Variants in UPF2 observed in about 807,000 individuals in gnomAD.
UPF2 encodes UPF2 regulator of nonsense mediated mRNA decay.
In UPF2, 17 loss-of-function variants were observed where a neutral mutation model predicts 141.4. The ratio of observed to expected loss-of-function variants is 0.12; its 90% CI spans 0.08 to 0.18. UPF2 has a LOEUF of 0.18. UPF2 is among the 10% of genes least tolerant of loss of function. The probability of loss-of-function intolerance (pLI) is 1.00; values close to 1 mark genes in which losing one functional copy is unlikely to be tolerated. For missense variants in UPF2, 1,152 were observed against 1,515.9 expected (o/e 0.76, Z 3.99); for synonymous variants, 540 against 498.0 (o/e 1.08, Z -1.12).
intron 1 of UPF2, among the ~76,000 whole-genome samples, chr10:12,039,620 CTCT>C (rs1346176514): frequency 1.4e-5 from 2 of 145,224 alleles, no homozygotes; most frequent in African/African-American, 2.5e-5. Context: ...CTCTCTCTCT[CTCT>C]TTTTTTTTTT....
intron 8 of UPF2, among the ~76,000 whole-genome samples, chr10:11,995,069 T>A (rs1289337216): frequency 6.8e-6 from 1 of 147,618 alleles, no homozygotes; most frequent in Non-Finnish European, 1.5e-5. Flanking sequence ...ATGATGTGCC[T>A]AATTCTTCGT....
At position 11,959,603 on chromosome 10, in the gene UPF2, T is replaced by C. The variant is rs190257987; in HGVS notation, c.2185-247A>G. ...GATGAAACCCCATCTCTACAAAAGA[T>C]ACAAAAATTAGCCAGGTGTGGTGGC... On this transcript the variant is annotated intron_variant, in intron 11 of 21. Coordinates refer to ENST00000357604, the MANE Select transcript of UPF2 (RefSeq NM_015542.4). The surrounding 1 kb of genome is among the most constrained non-coding windows in gnomAD (Gnocchi z 5.9). 1.2e-3 allele frequency among the ~76,000 whole-genome samples: 187 copies of C among 151,872 alleles called. No homozygotes were observed. Among genetic ancestry groups the C allele is most frequent in the Middle Eastern group, 3.4e-3 (1 of 294 alleles).
rs1172376298 is a variant in UPF2 at position 11,985,645 on chromosome 10, C to A, written c.1845-6480G>T. On this transcript the variant is annotated intron_variant, in intron 8 of 21. Transcript: ENST00000357604. ...CCAAAAAAAAAAAAAAACAAACAAA[C>A]AAAAAAAAAGAATGCTTTCTTCGTG... 7.0e-4 allele frequency among the ~76,000 whole-genome samples: 102 copies of A among 146,158 alleles called. 1 individual carries two copies. Among genetic ancestry groups the A allele is most frequent in the Non-Finnish European group, 5.7e-4 (38 of 66,252 alleles).
intron 9 of UPF2, among the ~76,000 whole-genome samples, chr10:11,968,386 C>T (rs1833358179): frequency 6.6e-6 from 1 of 152,018 alleles, no homozygotes; most frequent in Non-Finnish European, 1.5e-5. Context: ...TTGGCAACAC[C>T]AACCTTCTTT....
chr10:11,961,712 C>T (rs1833244583), intron 11 of UPF2, among the ~76,000 whole-genome samples: 1 of 152,094 alleles, frequency 6.6e-6, no homozygotes, highest in African/African-American at 2.4e-5. Context: ...TACGTAGCAC[C>T]TAAAACAGTG....
At position 11,980,380 on chromosome 10, in the gene UPF2, A is replaced by G. The variant is rs1270861405; in HGVS notation, c.1845-1215T>C. Among the ~76,000 whole-genome samples the G allele has an allele frequency of 6.6e-6, 1 of 152,210 alleles. No individual in the cohort carries two copies. Among genetic ancestry groups the G allele is most frequent in the Non-Finnish European group, 1.5e-5 (1 of 68,038 alleles). On this transcript the variant is annotated intron_variant, in intron 8 of 21. Coordinates refer to ENST00000357604, the MANE Select transcript of UPF2 (RefSeq NM_015542.4). The surrounding 1 kb of genome is among the most constrained non-coding windows in gnomAD (Gnocchi z 4.2). ...AGAGGAAGCTAAAAACTATAAAATT[A>G]CAAGAGCTTAAAAATTATGACAGCT... is the stretch of plus-strand genomic sequence containing the variant.
At chr10:11,937,940 T>C (rs1190977313) in intron 18 of UPF2, among the ~76,000 whole-genome samples, 2 of 152,208 alleles carry the variant, frequency 1.3e-5, no homozygotes, top group Non-Finnish European at 2.9e-5. Flanking sequence ...TCCTTGATTA[T>C]AAAATTAACA....
intron 8 of UPF2, among the ~76,000 whole-genome samples, chr10:11,994,781 C>A (rs1833837688): frequency 6.6e-6 from 1 of 151,960 alleles, no homozygotes; most frequent in Non-Finnish European, 1.5e-5. Context: ...TCGAAACCAT[C>A]CTGGCTAACA....
At chr10:11,933,568 G>A (rs964761179) in intron 19 of UPF2, among the ~76,000 whole-genome samples, 2 of 152,114 alleles carry the variant, frequency 1.3e-5, no homozygotes, top group South Asian at 2.1e-4. Context: ...TAAGCCACCC[G>A]GTTTATAATC....
At position 11,994,401 on chromosome 10, in the gene UPF2, T is replaced by C. The variant is rs114460387; in HGVS notation, c.1844+3271A>G. On this transcript the variant is annotated intron_variant, in intron 8 of 21. Transcript: ENST00000357604. ...AAAAACAGGAAATAAGAATCTATAA[T>C]TGTATTTTCTTGTATACGCAAAAGA... is the stretch of plus-strand genomic sequence containing the variant. Among the ~76,000 whole-genome samples the C allele has an allele frequency of 7.5e-3, 1,146 of 152,328 alleles. 13 individuals carry two copies. The highest frequency in any genetic ancestry group is 0.026 in the African/African-American group (1,074 of 41,574).
At chr10:12,023,525 AAATAGAG>A (rs1834354104) in intron 3 of UPF2, among the ~76,000 whole-genome samples, 1 of 151,014 alleles carries the variant, frequency 6.6e-6, no homozygotes, top group South Asian at 2.1e-4. Context: ...AAAAAAAAAA[AAATAGAG>A]AATTAAAATT....
chr10:11,972,974 G>A (rs1229680686), intron 9 of UPF2, among the ~76,000 whole-genome samples: 1 of 152,174 alleles, frequency 6.6e-6, no homozygotes, highest in East Asian at 1.9e-4. Flanking sequence ...CTTCCACAAT[G>A]GTTGAACTAC....
At chr10:12,038,728 CA>C (rs901437427) in intron 1 of UPF2, among the ~76,000 whole-genome samples, 27 of 150,166 alleles carry the variant, frequency 1.8e-4, no homozygotes, top group Non-Finnish European at 3.2e-4. Context: ...GACTCCGTCT[CA>C]AAAATACAAA....
At chr10:11,995,699 C>T (rs550598692) in intron 8 of UPF2, among the ~76,000 whole-genome samples, 3 of 152,226 alleles carry the variant, frequency 2.0e-5, no homozygotes, top group East Asian at 1.9e-4. Context: ...AGGAGAATCG[C>T]TTGAACCCTG....
In UPF2 at chr10:12,019,052, G is replaced by A. The variant is rs142488033; in HGVS notation, c.1146-4868C>T. ...CTGAAAATATAACCAAAATCAAGCT[G>A]AAAATATGATTTCATCACATATTTT... is the stretch of plus-strand genomic sequence containing the variant. On this transcript the variant is annotated intron_variant, in intron 3 of 21. Coordinates refer to ENST00000357604, the MANE Select transcript of UPF2 (RefSeq NM_015542.4). The surrounding 1 kb of genome is among the most constrained non-coding windows in gnomAD (Gnocchi z 4.5). 1.7e-3 allele frequency among the ~76,000 whole-genome samples: 256 copies of A among 152,198 alleles called. 1 individual carries two copies. The highest frequency in any genetic ancestry group is 5.7e-3 in the African/African-American group (237 of 41,524).
At chr10:11,964,199 T>C (rs1833283030) in intron 10 of UPF2, 74 bp from the exon 11 acceptor site, 5 of 1,082,992 alleles carry the variant, frequency 4.6e-6, no homozygotes, top group African/African-American at 1.6e-5. Context: ...ATCATACATC[T>C]AATGTGTGTA....
chr10:12,002,219 CGA>C, intron 5 of UPF2, among the ~76,000 whole-genome samples: 1 of 151,966 alleles, frequency 6.6e-6, no homozygotes, highest in East Asian at 1.9e-4. Flanking sequence ...TGCAGTGAGC[CGA>C]GAGAGCACCA....
chr10:11,937,257 A>C (rs1001091446), intron 18 of UPF2, among the ~76,000 whole-genome samples: 1 of 152,258 alleles, frequency 6.6e-6, no homozygotes, highest in African/African-American at 2.4e-5. Flanking sequence ...CCAATTAATT[A>C]AATGAACCTT....
chr10:11,943,451 T>C (rs534585014), intron 16 of UPF2, among the ~76,000 whole-genome samples: 19 of 152,300 alleles, frequency 1.2e-4, no homozygotes, highest in Non-Finnish European at 1.8e-4. Flanking sequence ...CCTGAGCCTT[T>C]TGTGTTCTCC....
Sources: allele counts gnomAD v4.1 joint callset (sites outside exome capture counted in the v4.1 genomes callset), GRCh38; gene constraint gnomAD v4.1.1; non-coding constraint Gnocchi (gnomAD v3.1); transcripts MANE v1.5; gene names NCBI Gene and HGNC (gene_info 2026-07-23, HGNC 2026-07-21).